Variants in NUAK2 observed in about 807,000 individuals in gnomAD.
NUAK2 encodes the protein NUAK family kinase 2.
Under a neutral mutation model 29.8 loss-of-function variants are expected in NUAK2, and 20 were observed. The observed-to-expected ratio is 0.67, with a 90% CI of 0.47 to 0.98. NUAK2 has a LOEUF of 0.98. NUAK2 is among the 50% of genes least tolerant of loss of function. NUAK2 has a pLI of 0.00. For missense variants in NUAK2, 719 were observed against 834.5 expected (o/e 0.86, Z 1.71); for synonymous variants, 331 against 342.6 (o/e 0.97, Z 0.37).
Position 205,321,421 on chromosome 1 carries a change from C to T in NUAK2, c.208G>A (p.Ala70Thr), listed in dbSNP as rs1662416318. The change falls in exon 1 of 7, where the codon GCG becomes ACG. Residue 70 changes from alanine (A) to threonine (T), a missense_variant. Transcript: ENST00000367157. ...GKGTYGKVKK[A>T]RESSGRLVAI... ...ACCAGGCGCCCCGAGCTCTCCCGCG[C>T]CTTCTTCACCTTCCCGTAGGTGCCT... 6.2e-7 allele frequency: 1 copy of T among 1,613,756 alleles called. No individual in the cohort carries two copies. The highest frequency in any genetic ancestry group is 8.5e-7 in the Non-Finnish European group (1 of 1,179,860).
At chr1:205,321,124 G>T (rs1299434223) in intron 1 of NUAK2, among the ~76,000 whole-genome samples, 1 of 152,118 alleles carries the variant, frequency 6.6e-6, no homozygotes, top group East Asian at 1.9e-4. Flanking sequence ...TCGTTTTTCC[G>T]CGCCAACTAT....
chr1:205,317,234 G>A (rs886496514), intron 1 of NUAK2, among the ~76,000 whole-genome samples: 7 of 152,192 alleles, frequency 4.6e-5, no homozygotes, highest in Non-Finnish European at 7.3e-5. Context: ...ATGGTAGAAA[G>A]GTCTTAGAAA....
chr1:205,314,325 T>C (rs1662296064), intron 1 of NUAK2, among the ~76,000 whole-genome samples: 1 of 152,110 alleles, frequency 6.6e-6, no homozygotes, highest in Admixed American at 6.5e-5. Context: ...CCATGGAGCC[T>C]CCTCCCCAAG....
In NUAK2 at chr1:205,306,312, A is replaced by C; in HGVS notation, c.571-5T>G. The C allele has an allele frequency of 1.9e-6, 3 of 1,609,530 alleles. No individual in the cohort carries two copies. Among genetic ancestry groups the C allele is most frequent in the Non-Finnish European group, 2.5e-6 (3 of 1,178,070 alleles). ...GGAGAGACCGAAGTCAGCAATCTGCAGGATTGAGTCAAACACGGGCACAGG... is the reference window on the plus strand; with the variant it reads ...GGAGAGACCGAAGTCAGCAATCTGCCGGATTGAGTCAAACACGGGCACAGG... On this transcript the variant is annotated splice_region_variant and splice_polypyrimidine_tract_variant and intron_variant, in intron 4 of 6. Transcript: ENST00000367157.
At chr1:205,317,080 C>T (rs56236810) in intron 1 of NUAK2, among the ~76,000 whole-genome samples, 1 of 152,008 alleles carries the variant, frequency 6.6e-6, no homozygotes, top group Non-Finnish European at 1.5e-5. Context: ...TGTAGTATCA[C>T]CAGCCACCCC....
intron 1 of NUAK2, among the ~76,000 whole-genome samples, chr1:205,320,918 T>G (rs1662406406): frequency 6.6e-6 from 1 of 152,168 alleles, no homozygotes; most frequent in South Asian, 2.1e-4. Flanking sequence ...AGAGCTCCAG[T>G]GTGCTGGGTT....
rs1662214127 is a variant in NUAK2 at position 205,308,620 on chromosome 1, G to A, written c.465C>T (p.Phe155=). The part of the protein sequence containing the change: ...QQLSEREARH[F]FRQIVSAVHY... ...GCACGGCAGAGACGATCTGCCGGAA[G>A]AAATGCCTAGCTTCGCGCTCACTGA... The change falls in exon 3 of 7, where the codon TTC becomes TTT. Residue 155 remains phenylalanine, a synonymous_variant. Coordinates refer to ENST00000367157, the MANE Select transcript of NUAK2 (RefSeq NM_030952.3). The surrounding 1 kb of genome is among the most constrained non-coding windows in gnomAD (Gnocchi z 4.1). 3.1e-6 allele frequency: 5 copies of A among 1,614,154 alleles called. No individual in the cohort carries two copies. The highest frequency in any genetic ancestry group is 1.1e-5 in the South Asian group (1 of 91,080).
rs1106201 is a variant in NUAK2 at position 205,303,798 on chromosome 1, C to T, written c.1539G>A (p.Leu513=). ...KLNGKFSQTA[L]ELAAPTTFGS... The stretch of plus-strand genomic sequence containing the variant: ...CGAAGGTGGTGGGGGCCGCGAGCTC[C>T]AAGGCTGTCTGGGAGAACTTGCCAT... Residue 513 remains leucine, a synonymous_variant, in exon 7 of 7, where the codon TTG becomes TTA. Coordinates refer to ENST00000367157, the MANE Select transcript of NUAK2 (RefSeq NM_030952.3). 487,270 of 1,584,248 alleles carry T rather than the reference C, an allele frequency of 0.31. 77,882 individuals are homozygous for T. The highest frequency in any genetic ancestry group is 0.46 in the East Asian group (20,648 of 44,622).
intron 1 of NUAK2, among the ~76,000 whole-genome samples, chr1:205,314,696 G>A (rs1234706702): frequency 6.6e-6 from 1 of 152,102 alleles, no homozygotes; most frequent in Non-Finnish European, 1.5e-5. Flanking sequence ...CAGAGATAAA[G>A]GTCCATAAAG....
chr1:205,309,493 A>C (rs1040995649), intron 2 of NUAK2, among the ~76,000 whole-genome samples: 8 of 152,022 alleles, frequency 5.3e-5, no homozygotes, highest in African/African-American at 1.9e-4. Context: ...TGCCAGGCTA[A>C]TTTTTGTATT....
At position 205,308,821 on chromosome 1, in the gene NUAK2, C is replaced by A; in HGVS notation, c.353-89G>T. The stretch of plus-strand genomic sequence containing the variant: ...ACTCACTCCTCCCCGACCCCAGGCC[C>A]CAAACCAGACAGGACCCCCCTCCAG... On this transcript the variant is annotated intron_variant, in intron 2 of 6. Coordinates refer to ENST00000367157, the MANE Select transcript of NUAK2 (RefSeq NM_030952.3). This position sits in a 1 kb window ranked among gnomAD's most constrained non-coding sequence, Gnocchi z 4.1. 1 of 1,464,410 alleles carries A rather than the reference C, an allele frequency of 6.8e-7. No homozygotes were observed. Among genetic ancestry groups the A allele is most frequent in the Admixed American group, 1.8e-5 (1 of 56,490 alleles). The allele number at this position is 1,464,410 out of a possible 1,614,324, so 90.7% of individuals were successfully genotyped here. A position where few individuals can be genotyped will look rare whatever the true frequency, so the allele number is the denominator to read the frequency against.
At chr1:205,310,970 C>A (rs1460638985) in intron 2 of NUAK2, among the ~76,000 whole-genome samples, 1 of 152,206 alleles carries the variant, frequency 6.6e-6, no homozygotes, top group African/African-American at 2.4e-5. Context: ...TTACAGTCTC[C>A]CTTTCTTCCC....
Position 205,321,728 on chromosome 1 carries a change from A to G in NUAK2, c.-100T>C. 2 of 946,574 alleles carry G rather than the reference A, an allele frequency of 2.1e-6. No individual in the cohort carries two copies. The highest frequency in any genetic ancestry group is 3.2e-6 in the Non-Finnish European group (2 of 628,250). The allele number at this position is 946,574 out of a possible 1,614,324, so 58.6% of individuals were successfully genotyped here. ...GTCCCGCACCAGGACGGGGAGCCAC[A>G]GCAGTACCAGAGCGCGCAGTAAAGC... On this transcript the variant is annotated 5_prime_UTR_variant, in exon 1 of 7. Coordinates refer to ENST00000367157, the MANE Select transcript of NUAK2 (RefSeq NM_030952.3).
Position 205,316,250 on chromosome 1 carries a change from C to T in NUAK2, c.232-4425G>A, listed in dbSNP as rs527805472. Among the ~76,000 whole-genome samples, 91 of 152,286 alleles carry T rather than the reference C, an allele frequency of 6.0e-4. 1 individual carries two copies. The highest frequency in any genetic ancestry group is 1.2e-3 in the Non-Finnish European group (79 of 68,034). ...GGTTTTCATGTCCTCATCTGAAAAA[C>T]GAAAGGATATTTATTCTCCAGTCAT... On this transcript the variant is annotated intron_variant, in intron 1 of 6. Transcript: ENST00000367157.
intron 2 of NUAK2, among the ~76,000 whole-genome samples, chr1:205,310,532 T>G (rs912104722): frequency 2.0e-5 from 3 of 152,152 alleles, no homozygotes; most frequent in Admixed American, 6.5e-5. Context: ...GCTGCAGTGC[T>G]CAGTTCCCAG....
intron 2 of NUAK2, among the ~76,000 whole-genome samples, chr1:205,310,072 G>A (rs1344805284): frequency 5.3e-5 from 8 of 152,228 alleles, no homozygotes; most frequent in Admixed American, 3.3e-4. Flanking sequence ...TGCTTGGCCT[G>A]CCCCAGAGCT....
In NUAK2 at chr1:205,303,138, TTC is replaced by T. The variant is rs1417750912; in HGVS notation, c.*310_*311del. ...ATGCAGGAGATGGGCCCTGGGAGAG[TTC>T]TCTTTCCAGGTCTCTGTGGCCCCCC... On this transcript the variant is annotated 3_prime_UTR_variant, in exon 7 of 7. Coordinates refer to ENST00000367157, the MANE Select transcript of NUAK2 (RefSeq NM_030952.3). 9.8e-6 allele frequency: 2 copies of T among 203,714 alleles called. No homozygotes were observed. Among genetic ancestry groups the T allele is most frequent in the African/African-American group, 4.6e-5 (2 of 43,114 alleles). 12.6% of individuals were successfully genotyped at this position (203,714 alleles called of 1,614,324 possible).
chr1:205,307,651 CTACT>C (rs1488854042), intron 4 of NUAK2, among the ~76,000 whole-genome samples: 2 of 152,208 alleles, frequency 1.3e-5, no homozygotes, highest in African/African-American at 4.8e-5. Context: ...CTAAATTTAA[CTACT>C]TAAGCATGGA....
Position 205,306,319 on chromosome 1 carries a change from A to T in NUAK2, c.571-12T>A. ...CCGAAGTCAGCAATCTGCAGGATTG[A>T]GTCAAACACGGGCACAGGTCATGTC... On this transcript the variant is annotated splice_polypyrimidine_tract_variant and intron_variant, in intron 4 of 6. Coordinates refer to ENST00000367157, the MANE Select transcript of NUAK2 (RefSeq NM_030952.3). 6.2e-7 allele frequency: 1 copy of T among 1,607,788 alleles called. No homozygotes were observed. The highest frequency in any genetic ancestry group is 1.1e-5 in the South Asian group (1 of 90,206).
Sources: gnomAD v4.1 joint callset for allele counts (sites outside exome capture counted in the v4.1 genomes callset) on GRCh38, gnomAD v4.1.1 for gene constraint, Gnocchi (gnomAD v3.1) non-coding constraint, MANE v1.5 for transcripts, NCBI Gene and HGNC (gene_info 2026-07-23, HGNC 2026-07-21) for gene names.